SCML4: variants seen among roughly 807,000 people sequenced by gnomAD.
SCML4 encodes Scm polycomb group protein like 4.
Under a neutral mutation model 41.1 loss-of-function variants are expected in SCML4, and 34 were observed. The observed-to-expected ratio is 0.83, with a 90% CI of 0.63 to 1.10. SCML4 has a LOEUF of 1.10. SCML4 is among the 50% of genes least tolerant of loss of function. The pLI is 0.00. For missense variants in SCML4, 522 were observed against 534.1 expected, an observed-to-expected ratio of 0.98 and a Z score of 0.22; for synonymous variants, 214 against 220.9, an observed-to-expected ratio of 0.97 and a Z score of 0.28.
the SCML4 span, among the ~76,000 whole-genome samples, chr6:107,845,331 T>G: frequency 6.6e-6 from 1 of 152,198 alleles, no homozygotes; most frequent in Admixed American, 6.5e-5. Context: ...TCTGTCCTAA[T>G]GCAGTGGGAC....
intron 1 of SCML4, among the ~76,000 whole-genome samples, chr6:107,817,586 A>G (rs565738982): frequency 1.6e-5 from 2 of 128,344 alleles, no homozygotes; most frequent in Admixed American, 1.0e-4. Flanking sequence ...GCACCACTGT[A>G]CTCCAGCCTG....
intron 1 of SCML4, among the ~76,000 whole-genome samples, chr6:107,823,887 T>C (rs2114322261): frequency 6.6e-6 from 1 of 152,370 alleles, no homozygotes; most frequent in East Asian, 1.9e-4. Flanking sequence ...AACTATATAA[T>C]TCAATGTTAC....
At chr6:107,789,255 C>T (rs1210612924) in intron 1 of SCML4, among the ~76,000 whole-genome samples, 1 of 152,166 alleles carries the variant, frequency 6.6e-6, no homozygotes, top group East Asian at 1.9e-4. Context: ...TTTCTGGGGA[C>T]CTAGAGTGGC....
At position 107,702,456 on chromosome 6, in the gene SCML4, G is replaced by T. The variant is rs1451437394; in HGVS notation, c.*2744C>A. Reference sequence around the variant, plus strand: ...AAGGAGGCACTGATGAGGGTGGGTAGGAAGTTTTGAAAACTTGATACTGGA... The same window carrying T: ...AAGGAGGCACTGATGAGGGTGGGTATGAAGTTTTGAAAACTTGATACTGGA... On this transcript the variant is annotated 3_prime_UTR_variant, in exon 8 of 8. Coordinates refer to ENST00000369020, the MANE Select transcript of SCML4 (RefSeq NM_198081.5). Among the ~76,000 whole-genome samples, 1 of 152,142 alleles carries T rather than the reference G, an allele frequency of 6.6e-6. No homozygotes were observed. Among genetic ancestry groups the T allele is most frequent in the South Asian group, 2.1e-4 (1 of 4,836 alleles).
intron 1 of SCML4, among the ~76,000 whole-genome samples, chr6:107,810,620 G>A (rs1034000202): frequency 6.6e-6 from 1 of 152,130 alleles, no homozygotes; most frequent in Non-Finnish European, 1.5e-5. Flanking sequence ...TAAAGAAACT[G>A]TAGATGTTTG....
intron 2 of SCML4, among the ~76,000 whole-genome samples, chr6:107,769,653 T>C (rs1023167963): frequency 6.6e-6 from 1 of 152,218 alleles, no homozygotes; most frequent in African/African-American, 2.4e-5. Flanking sequence ...TATATCATTA[T>C]AATAATGTTA....
intron 1 of SCML4, among the ~76,000 whole-genome samples, chr6:107,811,592 C>T (rs993856029): frequency 2.0e-5 from 3 of 152,168 alleles, no homozygotes; most frequent in African/African-American, 7.2e-5. Flanking sequence ...AAGGCATCAG[C>T]CTAAATGGGA....
chr6:107,778,223 ATATATATATATATATATAT>A (rs1278997782), intron 1 of SCML4, among the ~76,000 whole-genome samples: 8 of 3,136 alleles, frequency 2.6e-3, no homozygotes, highest in African/African-American at 4.6e-3. Flanking sequence ...AAAAAAAAAA[ATATATATATATATATATAT>A]ATATATATAT....
At chr6:107,746,553 G>T in intron 4 of SCML4, 136 bp downstream of exon 4, 1 of 705,136 alleles carries the variant, frequency 1.4e-6, no homozygotes, top group Non-Finnish European at 2.4e-6. Context: ...TAGCTCACAG[G>T]CTCATAAAGA....
intron 5 of SCML4, among the ~76,000 whole-genome samples, chr6:107,725,038 G>A (rs1350686429): frequency 6.6e-6 from 1 of 152,218 alleles, no homozygotes; most frequent in Non-Finnish European, 1.5e-5. Flanking sequence ...CAGAGGCCAG[G>A]AAGGGCAGAG....
rs113197352 is a variant in SCML4, at chr6:107,702,799, C to T, written c.*2401G>A. ...GCTGAACCTGTCAGAGGCATTTGAA[C>T]CAGAGCAACTCCATCTTGAATGGGA... On this transcript the variant is annotated 3_prime_UTR_variant, in exon 8 of 8. Transcript: ENST00000369020. Among the ~76,000 whole-genome samples the T allele has an allele frequency of 1.1e-3, 175 of 152,280 alleles. No individual in the cohort carries two copies. The highest frequency in any genetic ancestry group is 4.0e-3 in the African/African-American group (168 of 41,544).
intron 1 of SCML4, among the ~76,000 whole-genome samples, chr6:107,822,625 A>G (rs1174357019): frequency 6.6e-6 from 1 of 151,728 alleles, no homozygotes; most frequent in Non-Finnish European, 1.5e-5. Flanking sequence ...TTATAATTCC[A>G]CAAATGAAGC....
chr6:107,787,291 T>A (rs1271716220), intron 1 of SCML4, among the ~76,000 whole-genome samples: 1 of 152,132 alleles, frequency 6.6e-6, no homozygotes, highest in Non-Finnish European at 1.5e-5. Context: ...ACAGAGCTGA[T>A]CCGAATTTTT....
chr6:107,820,315 T>C (rs1459933365), intron 1 of SCML4, among the ~76,000 whole-genome samples: 2 of 152,136 alleles, frequency 1.3e-5, no homozygotes, highest in Non-Finnish European at 2.9e-5. Flanking sequence ...TATACCCAAA[T>C]AGCAGTGTCC....
chr6:107,708,995 A>C (rs1188618585), intron 6 of SCML4, among the ~76,000 whole-genome samples: 1 of 151,930 alleles, frequency 6.6e-6, no homozygotes, highest in East Asian at 1.9e-4. Context: ...ATTATTCTGA[A>C]GCTCTTGGGA....
chr6:107,845,820 A>C, the SCML4 span, among the ~76,000 whole-genome samples: 5 of 152,158 alleles, frequency 3.3e-5, no homozygotes, highest in Non-Finnish European at 4.4e-5. Flanking sequence ...TTACATTTTT[A>C]CCTCGTATCT....
At chr6:107,740,639 G>T (rs1037617114) in intron 5 of SCML4, among the ~76,000 whole-genome samples, 3 of 152,216 alleles carry the variant, frequency 2.0e-5, no homozygotes, top group Non-Finnish European at 4.4e-5. Flanking sequence ...CAGTCTGGAG[G>T]TGCGAGAGGG....
the SCML4 span, among the ~76,000 whole-genome samples, chr6:107,840,610 G>A: frequency 0.013 from 1,935 of 152,244 alleles, 37 homozygotes; most frequent in African/African-American, 0.044. Flanking sequence ...ATAATAAACA[G>A]GACAAATAAG....
At chr6:107,743,098 C>G (rs1233677322) in intron 5 of SCML4, among the ~76,000 whole-genome samples, 1 of 152,048 alleles carries the variant, frequency 6.6e-6, no homozygotes, top group African/African-American at 2.4e-5. Flanking sequence ...CTATTCTTGT[C>G]TGTGTGATCT....
Sources: allele counts gnomAD v4.1 joint callset (sites outside exome capture counted in the v4.1 genomes callset), GRCh38; gene constraint gnomAD v4.1.1; transcripts MANE v1.5; gene names NCBI Gene and HGNC (gene_info 2026-07-23, HGNC 2026-07-21).